ARHGAP40: variants seen among roughly 807,000 people sequenced by gnomAD.
The protein encoded by ARHGAP40 is Rho GTPase activating protein 40, also known as rho GTPase-activating protein 40.
In ARHGAP40, 43 loss-of-function variants were observed where a neutral mutation model predicts 73.5. The observed-to-expected ratio is 0.58, with a 90% CI of 0.46 to 0.75. The LOEUF is 0.75. ARHGAP40 is among the 30% of genes least tolerant of loss of function. The pLI is 0.00. For missense variants in ARHGAP40, 734 were observed against 861.8 expected (o/e 0.85, Z 1.86); for synonymous variants, 300 against 352.8 (o/e 0.85, Z 1.68).
Position 38,646,200 on chromosome 20 carries a change from G to A in ARHGAP40, c.1710+13G>A, listed in dbSNP as rs2089051896. 1.5e-6 allele frequency: 2 copies of A among 1,296,280 alleles called. No homozygotes were observed. The highest frequency in any genetic ancestry group is 2.0e-6 in the Non-Finnish European group (2 of 983,972). The allele number at this position is 1,296,280 out of a possible 1,614,324, so 80.3% of individuals were successfully genotyped here. A position where few individuals can be genotyped will look rare whatever the true frequency, so the allele number is the denominator to read the frequency against. ...CGGCCTCGAGGCGGTGAGTGCCCCC[G>A]ACCCCAGACAGGTGGAGAAGGGCCG... On this transcript the variant is annotated intron_variant, in intron 12 of 14. Transcript: ENST00000373345. The surrounding 1 kb of genome is among the most constrained non-coding windows in gnomAD (Gnocchi z 4.5).
At chr20:38,611,419 T>TTA (rs1282388268) in intron 1 of ARHGAP40, among the ~76,000 whole-genome samples, 91 of 150,414 alleles carry the variant, frequency 6.0e-4, no homozygotes, top group African/African-American at 2.2e-3. Context: ...AAAACTTTTT[T>TTA]TTTTTTTTTT....
rs1363792946 is a variant in ARHGAP40 at position 38,646,354 on chromosome 20, G to C, written c.1710+167G>C. Among the ~76,000 whole-genome samples the C allele has an allele frequency of 1.3e-5, 2 of 152,226 alleles. No homozygotes were observed. The highest frequency in any genetic ancestry group is 2.9e-5 in the Non-Finnish European group (2 of 68,038). ...GCCGTCACGGGGAGCGAGGAGGCGTGGCTGCGAAACGAGGGCTTAGAAGCG... is the reference window on the plus strand; with the variant it reads ...GCCGTCACGGGGAGCGAGGAGGCGTCGCTGCGAAACGAGGGCTTAGAAGCG... On this transcript the variant is annotated intron_variant, in intron 12 of 14. Coordinates refer to ENST00000373345, the Ensembl canonical transcript of ARHGAP40. The surrounding 1 kb of genome is among the most constrained non-coding windows in gnomAD (Gnocchi z 4.5).
chr20:38,638,057 C>T (rs558657291), intron 7 of ARHGAP40, among the ~76,000 whole-genome samples: 42 of 151,868 alleles, frequency 2.8e-4, no homozygotes, highest in Non-Finnish European at 4.4e-4. Flanking sequence ...CACCTGTAAT[C>T]CCAGCACTTT....
exon 15 of ARHGAP40, chr20:38,650,024 C>G (rs1196455723): frequency 1.3e-5 from 5 of 398,228 alleles, no homozygotes; most frequent in South Asian, 4.0e-5. Flanking sequence ...GGGTGGTGCT[C>G]TCTCCACTCA....
At chr20:38,635,432 G>A (rs984078396) in intron 6 of ARHGAP40, among the ~76,000 whole-genome samples, 2 of 152,170 alleles carry the variant, frequency 1.3e-5, no homozygotes, top group Non-Finnish European at 2.9e-5. Context: ...GGGAGGCCGA[G>A]GTGGGAGGCT....
At chr20:38,645,457 A>C (rs1482429568) in intron 11 of ARHGAP40, among the ~76,000 whole-genome samples, 1 of 151,688 alleles carries the variant, frequency 6.6e-6, no homozygotes, top group African/African-American at 2.4e-5. Context: ...AACCCCCATC[A>C]CCCTCGCTCT....
chr20:38,646,823 CGT>C lies in ARHGAP40; in HGVS notation c.1711-125_1711-124del, dbSNP rs1415385877. The C allele has an allele frequency of 3.5e-5, 26 of 734,614 alleles. No individual in the cohort carries two copies. Among genetic ancestry groups the C allele is most frequent in the Non-Finnish European group, 4.3e-5 (22 of 507,770 alleles). The allele number at this position is 734,614 out of a possible 1,614,324, so 45.5% of individuals were successfully genotyped here. A position where few individuals can be genotyped will look rare whatever the true frequency, so the allele number is the denominator to read the frequency against. On this transcript the variant is annotated intron_variant, in intron 12 of 14. Transcript: ENST00000373345. The surrounding 1 kb of genome is among the most constrained non-coding windows in gnomAD (Gnocchi z 4.5). ...GATCTGTGCCCAAGTGTCCGGTATG[CGT>C]GTGTGTGTATCTTGTGATTTTCAGC...
intron 3 of ARHGAP40, among the ~76,000 whole-genome samples, chr20:38,628,216 T>C (rs897136330): frequency 1.4e-4 from 22 of 152,224 alleles, no homozygotes; most frequent in African/African-American, 5.1e-4. Context: ...TAAACTGTCA[T>C]GGCACTGTGG....
intron 6 of ARHGAP40, among the ~76,000 whole-genome samples, chr20:38,637,389 TCCG>T (rs2088981970): frequency 6.6e-6 from 1 of 152,186 alleles, no homozygotes; most frequent in Admixed American, 6.5e-5. Context: ...CCTCAGGTGA[TCCG>T]CCTGTCTCAG....
At chr20:38,632,897 C>G (rs1359478387) in intron 5 of ARHGAP40, among the ~76,000 whole-genome samples, 3 of 152,012 alleles carry the variant, frequency 2.0e-5, no homozygotes, top group African/African-American at 7.2e-5. Flanking sequence ...CCGAGGCAGG[C>G]AGATCACTTG....
intron 1 of ARHGAP40, among the ~76,000 whole-genome samples, chr20:38,621,696 C>G (rs558151279): frequency 3.9e-4 from 59 of 152,306 alleles, no homozygotes; most frequent in Non-Finnish European, 5.9e-4. Context: ...TTGCTCACTT[C>G]TGCATTGCTG....
chr20:38,640,224 T>C (rs1172546077), intron 9 of ARHGAP40, among the ~76,000 whole-genome samples: 1 of 150,688 alleles, frequency 6.6e-6, no homozygotes, highest in East Asian at 1.9e-4. Context: ...CTTTCTTTTT[T>C]TTTTTTTTTA....
At chr20:38,644,601 A>C (rs1862122388) in intron 11 of ARHGAP40, among the ~76,000 whole-genome samples, 1 of 146,964 alleles carries the variant, frequency 6.8e-6, no homozygotes, top group Non-Finnish European at 1.5e-5. Flanking sequence ...CCATCCATTT[A>C]TGCAACTGCC....
chr20:38,604,948 A>T lies in ARHGAP40; in HGVS notation c.137+2869A>T, dbSNP rs531286097. Among the ~76,000 whole-genome samples the T allele has an allele frequency of 9.0e-4, 137 of 152,072 alleles. 5 individuals carry two copies. In the South Asian group the frequency reaches 0.028, roughly 31 times the overall value. On this transcript the variant is annotated intron_variant, in intron 1 of 14. Transcript: ENST00000373345. ...AGACATTCCACTGCCAAAGAAAAAA[A>T]AAAAAGCGAAAACTACTTCCCTGGA...
intron 1 of ARHGAP40, chr20:38,614,850 T>A: frequency 1.1e-6 from 1 of 897,632 alleles, no homozygotes; most frequent in African/African-American, 1.6e-5. Context: ...TCCAGAACCA[T>A]GAGTACCTCA....
At chr20:38,631,424 T>G (rs1248068882) in intron 5 of ARHGAP40, among the ~76,000 whole-genome samples, 1 of 151,296 alleles carries the variant, frequency 6.6e-6, no homozygotes, top group Non-Finnish European at 1.5e-5. Flanking sequence ...GGCCTCACAA[T>G]CATGGTGGAA....
chr20:38,620,063 A>G (rs898155525), intron 1 of ARHGAP40, among the ~76,000 whole-genome samples: 2 of 152,184 alleles, frequency 1.3e-5, no homozygotes, highest in Admixed American at 6.5e-5. Context: ...GACCCTTTCC[A>G]AATAAAAAGA....
intron 1 of ARHGAP40, among the ~76,000 whole-genome samples, chr20:38,606,376 A>G (rs1042937099): frequency 6.6e-6 from 1 of 152,238 alleles, no homozygotes; most frequent in African/African-American, 2.4e-5. Context: ...GTATACATTT[A>G]AAATTCTGAA....
intron 1 of ARHGAP40, among the ~76,000 whole-genome samples, chr20:38,618,158 G>C (rs1269519700): frequency 6.6e-6 from 1 of 151,440 alleles, no homozygotes; most frequent in African/African-American, 2.4e-5. Flanking sequence ...GGAGTGCAGT[G>C]GTGCGATCTT....
Sources: allele counts gnomAD v4.1 joint callset (sites outside exome capture counted in the v4.1 genomes callset), GRCh38; gene constraint gnomAD v4.1.1; non-coding constraint Gnocchi (gnomAD v3.1); transcripts MANE v1.5; gene names NCBI Gene and HGNC (gene_info 2026-07-23, HGNC 2026-07-21).